HSPA12B: variants seen among roughly 807,000 people sequenced by gnomAD.
HSPA12B encodes the protein heat shock 70 kDa protein 12B.
Under a neutral mutation model 69.3 loss-of-function variants are expected in HSPA12B, and 54 were observed. The observed-to-expected ratio is 0.78, with a 90% CI of 0.63 to 0.98. The LOEUF (loss-of-function observed/expected upper bound fraction) is 0.98. Among genes scored for constraint, HSPA12B ranks in the 50% least tolerant of loss-of-function variants. The pLI is 0.00. For synonymous variants in HSPA12B, 441 were observed against 436.5 expected, an observed-to-expected ratio of 1.01 and a Z score of -0.13; for missense variants, 929 against 999.8, an observed-to-expected ratio of 0.93 and a Z score of 0.96.
chr20:3,738,726 C>T lies in HSPA12B; in HGVS notation c.43+9C>T. On this transcript the variant is annotated intron_variant, in intron 2 of 12. Coordinates refer to ENST00000254963, the MANE Select transcript of HSPA12B (RefSeq NM_052970.5). ...GCAGGGGCTGTACATCGGTAAGAAC[C>T]CCCACCATTCTGCCCTGACCCATCA... 6.2e-7 allele frequency: 1 copy of T among 1,614,084 alleles called. No homozygotes were observed. Among genetic ancestry groups the T allele is most frequent in the Non-Finnish European group, 8.5e-7 (1 of 1,179,990 alleles).
In HSPA12B at chr20:3,749,656, C is replaced by G. The variant is rs1404061728; in HGVS notation, c.938-94C>G. On this transcript the variant is annotated intron_variant, in intron 9 of 12. Coordinates refer to ENST00000254963, the MANE Select transcript of HSPA12B (RefSeq NM_052970.5). This position sits in a 1 kb window ranked among gnomAD's most constrained non-coding sequence, Gnocchi z 5.5. The stretch of plus-strand genomic sequence containing the variant: ...GACCCTGCAGACAGGCCTTGGGACC[C>G]GGGGCAGGGCTGGAGGCTGGGCGAG... 3.2e-6 allele frequency: 3 copies of G among 940,072 alleles called. No homozygotes were observed. Among genetic ancestry groups the G allele is most frequent in the Non-Finnish European group, 4.7e-6 (3 of 638,364 alleles). 58.2% of individuals were successfully genotyped at this position (940,072 alleles called of 1,614,324 possible).
Position 3,746,029 on chromosome 20 carries a change from C to T in HSPA12B, c.673C>T (p.Leu225=), listed in dbSNP as rs6052060. Residue 225 remains leucine (L), a splice_region_variant and synonymous_variant, in exon 7 of 13, where the codon CTG becomes TTG. Transcript: ENST00000254963. ...GCAGTTCATGCGGGAGGCTGCCTACCTGGTGAGGACGTGCAGGCGGGCCCG... is the reference window on the plus strand; with the variant it reads ...GCAGTTCATGCGGGAGGCTGCCTACTTGGTGAGGACGTGCAGGCGGGCCCG... ...AKQFMREAAY[L]AGLVSRENAE... 2.1e-3 allele frequency: 3,462 copies of T among 1,612,816 alleles called. 63 individuals are homozygous for T. The African/African-American group carries it at 0.041, about 19-fold the overall frequency.
intron 2 of HSPA12B, among the ~76,000 whole-genome samples, chr20:3,739,561 C>G (rs187775927): frequency 6.6e-6 from 1 of 152,212 alleles, no homozygotes; most frequent in Non-Finnish European, 1.5e-5. Context: ...CTTGGCCTCT[C>G]GGGCTGCAGC....
In HSPA12B at chr20:3,750,030, C is replaced by T. The variant is rs769739525; in HGVS notation, c.1104C>T (p.Phe368=). The T allele has an allele frequency of 3.1e-6, 5 of 1,601,176 alleles. No individual in the cohort carries two copies. Among genetic ancestry groups the T allele is most frequent in the South Asian group, 1.1e-5 (1 of 89,066 alleles). Residue 368 remains phenylalanine, a synonymous_variant, in exon 11 of 13, where the codon TTC becomes TTT. Coordinates refer to ENST00000254963, the MANE Select transcript of HSPA12B (RefSeq NM_052970.5). ...LAFEQLLCRI[F]GEDFIATFKR... is the part of the protein sequence containing the mutation. ...TCGAGCAGCTGCTGTGCCGCATCTT[C>T]GGCGAGGACTTCATCGCCACCTTCA...
At chr20:3,734,572 T>C (rs6116008) in intron 1 of HSPA12B, among the ~76,000 whole-genome samples, 36,819 of 152,034 alleles carry the variant, frequency 0.24, 5,110 homozygotes, top group African/African-American at 0.38. Flanking sequence ...TTTTCAGCTG[T>C]GGACTCTGCC....
chr20:3,750,747 C>T (rs984826052), intron 11 of HSPA12B, 57 bp from the exon 12 acceptor site: 3 of 1,611,260 alleles, frequency 1.9e-6, no homozygotes, highest in Non-Finnish European at 2.5e-6. Context: ...GGACCCCAAA[C>T]TGGGGCAAGC....
rs1377209562 is a variant in HSPA12B at position 3,742,405 on chromosome 20, T to C, written c.263T>C (p.Met88Thr). 3.1e-6 allele frequency: 5 copies of C among 1,609,434 alleles called. No homozygotes were observed. In the Admixed American group the frequency reaches 8.3e-5, roughly 27 times the overall value. ...FASDPEAIHM[M>T]RKWEGGDPGV... ...AGTGACCCTGAGGCCATCCACATGATGAGGTGAGGTCGGCTGGGCTGAGAG... is the reference window on the plus strand; with the variant it reads ...AGTGACCCTGAGGCCATCCACATGACGAGGTGAGGTCGGCTGGGCTGAGAG... The change falls in exon 4 of 13, where the codon ATG becomes ACG. Residue 88 changes from methionine (M) to threonine (T), a missense_variant. By Grantham distance (81) the Met-to-Thr change is moderately conservative (BLOSUM62 -1). Around this residue, in one of 3 missense-constraint regions of HSPA12B, gnomAD observed 477 missense variants for 535.2 expected, o/e 0.89. Coordinates refer to ENST00000254963, the MANE Select transcript of HSPA12B (RefSeq NM_052970.5).
chr20:3,751,438 C>A, intron 12 of HSPA12B, 73 bp from the exon 13 acceptor site: 21 of 1,360,120 alleles, frequency 1.5e-5, no homozygotes, highest in Non-Finnish European at 2.0e-5. Flanking sequence ...CTAGTGGTGG[C>A]CTCAGTGGCT....
Position 3,740,747 on chromosome 20 carries a change from T to C in HSPA12B, c.44-68T>C. ...GACTGATGGAGAACCTTTGGGTGCC[T>C]GGCTTGGGGCCCCGCTGCCATACCT... is the stretch of plus-strand genomic sequence containing the variant. On this transcript the variant is annotated intron_variant, in intron 2 of 12. Transcript: ENST00000254963. The surrounding 1 kb of genome is among the most constrained non-coding windows in gnomAD (Gnocchi z 4.9). 1 of 1,363,026 alleles carries C rather than the reference T, an allele frequency of 7.3e-7. No homozygotes were observed. Among genetic ancestry groups the C allele is most frequent in the East Asian group, 2.4e-5 (1 of 41,170 alleles). 84.4% of individuals were successfully genotyped at this position (1,363,026 alleles called of 1,614,324 possible). A position where few individuals can be genotyped will look rare whatever the true frequency, so the allele number is the denominator to read the frequency against.
intron 1 of HSPA12B, among the ~76,000 whole-genome samples, chr20:3,736,157 C>G (rs1168372823): frequency 6.6e-6 from 1 of 152,170 alleles, no homozygotes; most frequent in Non-Finnish European, 1.5e-5. Flanking sequence ...GCTGGTGGGA[C>G]CCAGCTCAGC....
At position 3,745,555 on chromosome 20, in the gene HSPA12B, G is replaced by A. The variant is rs779340185; in HGVS notation, c.516G>A (p.Val172=). 1 of 1,614,060 alleles carries A rather than the reference G, an allele frequency of 6.2e-7. No homozygotes were observed. Among genetic ancestry groups the A allele is most frequent in the African/African-American group, 1.3e-5 (1 of 74,924 alleles). Residue 172 remains valine (V), a synonymous_variant, in exon 6 of 13, where the codon GTG becomes GTA. Transcript: ENST00000254963. This position sits in a 1 kb window ranked among gnomAD's most constrained non-coding sequence, Gnocchi z 5.6. ...GAAAGACGATGCCCGCCCTGGAGGTGTTCGCCCATGCCCTGCGCTTCTTCA... is the reference window on the plus strand; with the variant it reads ...GAAAGACGATGCCCGCCCTGGAGGTATTCGCCCATGCCCTGCGCTTCTTCA... The part of the protein sequence containing the change: ...VNGKTMPALE[V]FAHALRFFRE...
intron 7 of HSPA12B, 125 bp downstream of exon 7, chr20:3,746,156 T>C (rs1280716359): frequency 1.5e-6 from 1 of 678,968 alleles, no homozygotes; most frequent in Non-Finnish European, 2.5e-6. Context: ...AGCCTGCTCC[T>C]GATGGGAGTT....
At chr20:3,733,088 G>A (rs1441368617) in intron 1 of HSPA12B, among the ~76,000 whole-genome samples, 8 of 152,224 alleles carry the variant, frequency 5.3e-5, no homozygotes, top group African/African-American at 1.9e-4. Flanking sequence ...ACTGGTGTGG[G>A]CTGGGGCCTG....
Position 3,752,269 on chromosome 20 carries a change from T to A in HSPA12B, c.*103T>A. On this transcript the variant is annotated 3_prime_UTR_variant, in exon 13 of 13. Transcript: ENST00000254963. ...GGCGGGGGAAACGATAGTTCTGCAGTCTGCGCCTTTCCACGCCCTCCAGCC... is the reference window on the plus strand; with the variant it reads ...GGCGGGGGAAACGATAGTTCTGCAGACTGCGCCTTTCCACGCCCTCCAGCC... 8.7e-7 allele frequency: 1 copy of A among 1,145,466 alleles called. No individual in the cohort carries two copies. Among genetic ancestry groups the A allele is most frequent in the South Asian group, 1.9e-5 (1 of 53,032 alleles). 71.0% of individuals were successfully genotyped at this position (1,145,466 alleles called of 1,614,324 possible). A position where few individuals can be genotyped will look rare whatever the true frequency, so the allele number is the denominator to read the frequency against.
At chr20:3,735,489 G>A (rs1282909187) in intron 1 of HSPA12B, among the ~76,000 whole-genome samples, 1 of 150,544 alleles carries the variant, frequency 6.6e-6, no homozygotes, top group Non-Finnish European at 1.5e-5. Flanking sequence ...TCTTGAGATG[G>A]GGTCTCACTC....
At position 3,745,465 on chromosome 20, in the gene HSPA12B, C is replaced by T. The variant is rs201221986; in HGVS notation, c.454-28C>T. The T allele has an allele frequency of 1.4e-3, 2,236 of 1,557,024 alleles. 6 individuals carry two copies. The highest frequency in any genetic ancestry group is 2.5e-3 in the South Asian group (227 of 89,988). On this transcript the variant is annotated intron_variant, in intron 5 of 12. Transcript: ENST00000254963. This position sits in a 1 kb window ranked among gnomAD's most constrained non-coding sequence, Gnocchi z 5.6. The stretch of plus-strand genomic sequence containing the variant: ...GAAATGAGTGCCAAGCTGAGGCCTC[C>T]TGCAGAGCCGCCCTGTGTCCCTGCC...
chr20:3,738,629 C>T, intron 1 of HSPA12B, 29 bp from the exon 2 acceptor site: 1 of 1,600,136 alleles, frequency 6.2e-7, no homozygotes, highest in Non-Finnish European at 8.6e-7. Flanking sequence ...CAAATAAATC[C>T]CACTCTGCTT....
intron 2 of HSPA12B, 120 bp downstream of exon 2, chr20:3,738,837 AGTGAGTGT>A (rs2045544147): frequency 2.0e-6 from 2 of 989,100 alleles, no homozygotes; most frequent in African/African-American, 3.3e-5. Flanking sequence ...CTCTTCTGTG[AGTGAGTGT>A]GTGTGTGTGT....
At chr20:3,738,804 T>C in intron 2 of HSPA12B, 87 bp downstream of exon 2, 2 of 1,380,392 alleles carry the variant, frequency 1.4e-6, no homozygotes, top group Middle Eastern at 3.6e-4. Context: ...GCAATGTACC[T>C]CTCCCACAGA....
Sources: allele counts gnomAD v4.1 joint callset (sites outside exome capture counted in the v4.1 genomes callset), GRCh38; gene constraint gnomAD v4.1.1; regional missense constraint gnomAD v4.1.1; non-coding constraint Gnocchi (gnomAD v3.1); transcripts MANE v1.5; gene names NCBI Gene and HGNC (gene_info 2026-07-23, HGNC 2026-07-21).